SHISA6: variants seen among roughly 807,000 people sequenced by gnomAD.
The protein encoded by SHISA6 is protein shisa-6.
A neutral mutation model predicts 47.9 loss-of-function variants in SHISA6; 22 were observed. The observed-to-expected ratio is 0.46, with a 90% CI of 0.33 to 0.66. The LOEUF (loss-of-function observed/expected upper bound fraction) is 0.66, where lower values mean the gene tolerates loss of function less well. Ranked by LOEUF, SHISA6 falls within the 30% of genes least tolerant of loss-of-function variation. SHISA6 has a pLI of 0.02. For synonymous variants in SHISA6, 388 were observed against 337.8 expected (o/e 1.15, Z -1.63); for missense variants, 680 against 764.6 (o/e 0.89, Z 1.30).
chr17:11,449,463 A>T (rs991155227), intron 3 of SHISA6, among the ~76,000 whole-genome samples: 12 of 151,956 alleles, frequency 7.9e-5, no homozygotes, highest in Non-Finnish European at 1.8e-4. Flanking sequence ...AAAGAAAAAG[A>T]AAAAAAAGAA....
chr17:11,558,576 A>C lies in SHISA6; in HGVS notation c.*272A>C. 6.3e-6 allele frequency: 3 copies of C among 473,614 alleles called. No homozygotes were observed. The highest frequency in any genetic ancestry group is 6.5e-5 in the South Asian group (2 of 30,790). 29.3% of individuals were successfully genotyped at this position (473,614 alleles called of 1,614,324 possible). On this transcript the variant is annotated 3_prime_UTR_variant, in exon 6 of 6. Transcript: ENST00000441885. Reference sequence around the variant, plus strand: ...GAGGAGGGGGCTAGGCCCCATTCTCACCCCCGACCACCTTCACCAACTCCC... The same window carrying C: ...GAGGAGGGGGCTAGGCCCCATTCTCCCCCCCGACCACCTTCACCAACTCCC...
intron 2 of SHISA6, among the ~76,000 whole-genome samples, chr17:11,291,341 G>T (rs1909533815): frequency 6.6e-6 from 1 of 151,766 alleles, no homozygotes; most frequent in African/African-American, 2.4e-5. Context: ...CAGAGACTGG[G>T]TGACTTAAAC....
chr17:11,320,109 A>C (rs1340996971), intron 2 of SHISA6, among the ~76,000 whole-genome samples: 2 of 152,232 alleles, frequency 1.3e-5, no homozygotes, highest in African/African-American at 4.8e-5. Context: ...GAATGAGGAA[A>C]TTAATGTAGG....
At chr17:11,510,456 A>G (rs544396737) in intron 3 of SHISA6, among the ~76,000 whole-genome samples, 3 of 152,292 alleles carry the variant, frequency 2.0e-5, no homozygotes, top group East Asian at 1.9e-4. Context: ...CAGCCACCCA[A>G]TGGACCTTGC....
At position 11,256,455 on chromosome 17, in the gene SHISA6, C is replaced by A. The variant is rs577435432; in HGVS notation, c.639-6911C>A. ...AGGTTGCAGTGAACTGAGATCACAC[C>A]GCTGCACTCCAGTCTGGGTAACAGA... On this transcript the variant is annotated intron_variant, in intron 1 of 5. Coordinates refer to ENST00000441885, the MANE Select transcript of SHISA6 (RefSeq NM_207386.4). Among the ~76,000 whole-genome samples, 13 of 152,216 alleles carry A rather than the reference C, an allele frequency of 8.5e-5. No individual in the cohort carries two copies. In the South Asian group the frequency reaches 2.3e-3, roughly 27 times the overall value.
At chr17:11,542,643 G>A (rs961323462) in intron 3 of SHISA6, among the ~76,000 whole-genome samples, 4 of 151,952 alleles carry the variant, frequency 2.6e-5, no homozygotes, top group Non-Finnish European at 5.9e-5. Context: ...CTTTTACCCC[G>A]AGATAAAGGG....
intron 3 of SHISA6, among the ~76,000 whole-genome samples, chr17:11,388,416 G>A (rs1913263347): frequency 6.6e-6 from 1 of 152,096 alleles, no homozygotes; most frequent in Non-Finnish European, 1.5e-5. Flanking sequence ...GAACTCTCGG[G>A]TTCTGGGCTG....
intron 2 of SHISA6, among the ~76,000 whole-genome samples, chr17:11,294,541 C>G (rs1010709423): frequency 3.3e-5 from 5 of 152,146 alleles, no homozygotes; most frequent in African/African-American, 1.2e-4. Flanking sequence ...AGACAGAATC[C>G]CACTGCCAGT....
chr17:11,260,598 C>T (rs555177718), intron 1 of SHISA6, among the ~76,000 whole-genome samples: 75 of 152,132 alleles, frequency 4.9e-4, no homozygotes, highest in African/African-American at 1.8e-3. Context: ...TACTCTCCCT[C>T]TTGCTCTTCC....
chr17:11,529,205 TA>T (rs1325324340), intron 3 of SHISA6, among the ~76,000 whole-genome samples: 6 of 150,882 alleles, frequency 4.0e-5, no homozygotes, highest in African/African-American at 7.3e-5. Context: ...AAAAAAAAAT[TA>T]AAAAAAATTA....
intron 2 of SHISA6, among the ~76,000 whole-genome samples, chr17:11,329,427 C>G (rs1035077303): frequency 6.6e-6 from 1 of 152,146 alleles, no homozygotes; most frequent in African/African-American, 2.4e-5. Flanking sequence ...GGAGACTGTC[C>G]GTGGATAAGC....
chr17:11,293,638 C>G (rs938045305), intron 2 of SHISA6, among the ~76,000 whole-genome samples: 4 of 151,994 alleles, frequency 2.6e-5, no homozygotes, highest in Non-Finnish European at 4.4e-5. Flanking sequence ...GCTGTAGGAA[C>G]GCAAGCATGG....
chr17:11,533,013 G>A lies in SHISA6; in HGVS notation c.896-18883G>A, dbSNP rs1174061572. 2.0e-5 allele frequency among the ~76,000 whole-genome samples: 3 copies of A among 152,216 alleles called. No homozygotes were observed. The East Asian group carries it at 5.8e-4, about 29-fold the overall frequency. On this transcript the variant is annotated intron_variant, in intron 3 of 5. Coordinates refer to ENST00000441885, the MANE Select transcript of SHISA6 (RefSeq NM_207386.4). Reference sequence around the variant, plus strand: ...GTAAACAGCCACTTTGGGTTGTGTTGCCTTTGCTGCTGAGCTGTGCCTGTT... The same window carrying A: ...GTAAACAGCCACTTTGGGTTGTGTTACCTTTGCTGCTGAGCTGTGCCTGTT...
At chr17:11,282,248 T>C (rs1362308035) in intron 2 of SHISA6, among the ~76,000 whole-genome samples, 7 of 152,186 alleles carry the variant, frequency 4.6e-5, no homozygotes, top group Non-Finnish European at 1.0e-4. Flanking sequence ...ACACTCTTGC[T>C]CTGCATAGTT....
At chr17:11,531,092 A>G (rs2071727866) in intron 3 of SHISA6, among the ~76,000 whole-genome samples, 2 of 152,064 alleles carry the variant, frequency 1.3e-5, no homozygotes, top group Non-Finnish European at 2.9e-5. Context: ...GTATTGATAA[A>G]CAAAGAAACA....
intron 3 of SHISA6, among the ~76,000 whole-genome samples, chr17:11,497,386 C>T (rs540615055): frequency 6.6e-6 from 1 of 152,150 alleles, no homozygotes; most frequent in South Asian, 2.1e-4. Context: ...GAAAGAGGGG[C>T]TGTGGCAGGA....
chr17:11,264,706 G>A (rs79705499), intron 2 of SHISA6, among the ~76,000 whole-genome samples: 2,630 of 152,298 alleles, frequency 0.017, 35 homozygotes, highest in Middle Eastern at 0.031. Context: ...GTGGCAGTGG[G>A]TGTGATCAAA....
intron 3 of SHISA6, among the ~76,000 whole-genome samples, chr17:11,449,650 G>A (rs546848223): frequency 2.0e-5 from 3 of 152,246 alleles, no homozygotes; most frequent in South Asian, 4.1e-4. Flanking sequence ...TAAGCCTACT[G>A]TACAAAAGCA....
At chr17:11,498,558 G>A (rs1256403132) in intron 3 of SHISA6, among the ~76,000 whole-genome samples, 2 of 152,202 alleles carry the variant, frequency 1.3e-5, no homozygotes, top group Non-Finnish European at 2.9e-5. Context: ...TGTTTAAGGG[G>A]ATGGACATCC....
Sources: allele counts gnomAD v4.1 joint callset (sites outside exome capture counted in the v4.1 genomes callset), GRCh38; gene constraint gnomAD v4.1.1; transcripts MANE v1.5; gene names NCBI Gene and HGNC (gene_info 2026-07-23, HGNC 2026-07-21).